DARS2: variants seen among roughly 807,000 people sequenced by gnomAD.
DARS2 encodes aspartate--tRNA ligase, mitochondrial.
Under a neutral mutation model 83.0 loss-of-function variants are expected in DARS2, and 63 were observed. The observed-to-expected ratio is 0.76, with a 90% CI of 0.62 to 0.94. The LOEUF is 0.94. Ranked by LOEUF, DARS2 falls within the 40% of genes least tolerant of loss-of-function variation. DARS2 has a pLI of 0.00. For synonymous variants in DARS2, 250 were observed against 269.3 expected (o/e 0.93, Z 0.70); for missense variants, 675 against 774.4 (o/e 0.87, Z 1.52).
intron 15 of DARS2, among the ~76,000 whole-genome samples, 197 bp downstream of exon 15, chr1:173,854,102 A>G (rs938897048): frequency 3.9e-5 from 6 of 152,098 alleles, no homozygotes; most frequent in Admixed American, 3.9e-4. Flanking sequence ...CAGCCTCCCA[A>G]GTAGCTGTGA....
intron 9 of DARS2, 55 bp from the exon 10 acceptor site, chr1:173,839,312 A>G (rs1234148087): frequency 2.6e-6 from 4 of 1,521,622 alleles, no homozygotes; most frequent in Admixed American, 3.4e-5. Flanking sequence ...AGAAAAATAT[A>G]TAAATGTGTA....
intron 13 of DARS2, 121 bp downstream of exon 13, chr1:173,850,600 T>A: frequency 1.2e-5 from 11 of 942,690 alleles, no homozygotes; most frequent in Non-Finnish European, 1.7e-5. Flanking sequence ...CTGCTCTGCA[T>A]AAATCTTTTT....
chr1:173,857,542 T>C lies in DARS2; in HGVS notation c.1775T>C (p.Val592Ala). The C allele has an allele frequency of 1.9e-6, 3 of 1,614,180 alleles. No individual in the cohort carries two copies. In the South Asian group the frequency reaches 3.3e-5, roughly 18 times the overall value. Residue 592 changes from valine to alanine, a missense_variant, in exon 17 of 17, where the codon GTC becomes GCC. Coordinates refer to ENST00000649689, the MANE Select transcript of DARS2 (RefSeq NM_018122.5). ...ALGLDRLICLVTGSPSIRDVI... is the reference protein window; with the variant it reads ...ALGLDRLICLATGSPSIRDVI... ...GGGTTAGACAGACTGATATGCCTTG[T>C]CACTGGATCTCCAAGCATCAGAGAT... is the stretch of plus-strand genomic sequence containing the variant.
Position 173,834,538 on chromosome 1 carries a change from T to A in DARS2, c.663+19T>A, listed in dbSNP as rs914211672. 6.3e-6 allele frequency: 10 copies of A among 1,576,828 alleles called. No homozygotes were observed. On this transcript the variant is annotated intron_variant, in intron 7 of 16. Coordinates refer to ENST00000649689, the MANE Select transcript of DARS2 (RefSeq NM_018122.5). The stretch of plus-strand genomic sequence containing the variant: ...CCCAGGGGTATGTATATTCCTTCAA[T>A]CAGTCTATTAATAATGTCCTATTAG...
At chr1:173,834,378 G>A (rs995400603) in intron 6 of DARS2, 95 bp from the exon 7 acceptor site, 2 of 947,788 alleles carry the variant, frequency 2.1e-6, no homozygotes, top group Non-Finnish European at 3.4e-6. Flanking sequence ...CTTAATTAAA[G>A]GGAAGCCTCA....
At chr1:173,856,434 CAT>C (rs1653862388) in intron 15 of DARS2, among the ~76,000 whole-genome samples, 1 of 152,198 alleles carries the variant, frequency 6.6e-6, no homozygotes, top group Admixed American at 6.5e-5. Flanking sequence ...GAACACCAGG[CAT>C]TTTTGTACAT....
intron 15 of DARS2, among the ~76,000 whole-genome samples, chr1:173,854,592 T>C (rs1485652185): frequency 6.6e-6 from 1 of 152,166 alleles, no homozygotes; most frequent in Non-Finnish European, 1.5e-5. Context: ...AGTACAAAAG[T>C]AAGCAGAGTC....
chr1:173,836,492 G>A (rs949871101), intron 7 of DARS2, among the ~76,000 whole-genome samples: 26 of 149,380 alleles, frequency 1.7e-4, no homozygotes, highest in Admixed American at 1.7e-3. Flanking sequence ...GCAGTGAGCC[G>A]AGATTGTGCC....
chr1:173,830,925 A>G (rs1048775358), intron 4 of DARS2, among the ~76,000 whole-genome samples, 164 bp downstream of exon 4: 2 of 152,150 alleles, frequency 1.3e-5, no homozygotes, highest in African/African-American at 4.8e-5. Context: ...AAACACATCT[A>G]TGTAAATATG....
chr1:173,828,695 T>C (rs757083629), intron 3 of DARS2, among the ~76,000 whole-genome samples: 5 of 152,214 alleles, frequency 3.3e-5, no homozygotes, highest in Non-Finnish European at 5.9e-5. Flanking sequence ...AAACTGCATG[T>C]AATTGTCATT....
intron 12 of DARS2, among the ~76,000 whole-genome samples, chr1:173,849,098 C>T (rs1199750586): frequency 1.4e-5 from 2 of 144,278 alleles, no homozygotes; most frequent in African/African-American, 5.1e-5. Context: ...TTCAAGTTCT[C>T]TTTTGGTCCA....
chr1:173,854,034 G>C, intron 15 of DARS2, 129 bp downstream of exon 15: 1 of 782,856 alleles, frequency 1.3e-6, no homozygotes, highest in Non-Finnish European at 2.1e-6. Flanking sequence ...GGTGTCTACT[G>C]GTGCATTCAT....
intron 12 of DARS2, among the ~76,000 whole-genome samples, chr1:173,849,563 C>G (rs1653567401): frequency 6.6e-6 from 1 of 150,622 alleles, no homozygotes; most frequent in African/African-American, 2.5e-5. Context: ...GTTGGAAGCT[C>G]AAGAGAGAGG....
At chr1:173,827,028 G>C in intron 2 of DARS2, among the ~76,000 whole-genome samples, 1 of 152,064 alleles carries the variant, frequency 6.6e-6, no homozygotes, top group Non-Finnish European at 1.5e-5. Context: ...TCTGTTGAAG[G>C]GTATAACAAC....
intron 11 of DARS2, among the ~76,000 whole-genome samples, chr1:173,844,669 CAAAAAAAAAAAAAAAAAAAAAAAAAAAA>C (rs549839808): frequency 3.3e-5 from 1 of 29,892 alleles, no homozygotes; most frequent in Non-Finnish European, 7.3e-5. Context: ...GACTCCATCG[CAAAAAAAAAAAAAAAAAAAAAAAAAAAA>C]AAAAAAAAAA....
chr1:173,844,036 T>TG (rs1385700929), intron 11 of DARS2, among the ~76,000 whole-genome samples: 1 of 152,196 alleles, frequency 6.6e-6, no homozygotes, highest in South Asian at 2.1e-4. Context: ...GTAACATTCC[T>TG]GGGGGGAAGA....
rs1415185483 is a variant in DARS2 at position 173,840,871 on chromosome 1, A to G, written c.1026A>G (p.Ile342Met). 1 of 1,577,784 alleles carries G rather than the reference A, an allele frequency of 6.3e-7. No individual in the cohort carries two copies. Among genetic ancestry groups the G allele is most frequent in the Non-Finnish European group, 8.7e-7 (1 of 1,146,988 alleles). The change falls in exon 11 of 17, where the codon ATA (isoleucine) becomes ATG (methionine). Residue 342 changes from isoleucine to methionine, a missense_variant. Coordinates refer to ENST00000649689, the MANE Select transcript of DARS2 (RefSeq NM_018122.5). ...TTTTGTTACCCATTTTCCAGATTAT[A>G]GATATCAGTGATGTGTTTAGAAACA... Reference protein sequence around the residue: ...KPDTRFGMKIIDISDVFRNTE... With the variant: ...KPDTRFGMKIMDISDVFRNTE...
In DARS2 at chr1:173,853,894, A is replaced by G. The variant is rs777646427; in HGVS notation, c.1663A>G (p.Thr555Ala). 2.5e-6 allele frequency: 4 copies of G among 1,613,612 alleles called. No homozygotes were observed. The highest frequency in any genetic ancestry group is 4.5e-5 in the East Asian group (2 of 44,868). ...NAELQRYILA[T>A]LLKEDVKMLS... Reference sequence around the variant, plus strand: ...AGAGCTGCAGCGTTATATCCTGGCAACCTTACTAAAGGTAACAAACATCAT... The same window carrying G: ...AGAGCTGCAGCGTTATATCCTGGCAGCCTTACTAAAGGTAACAAACATCAT... The change falls in exon 15 of 17, where the codon ACC (threonine) becomes GCC (alanine). Residue 555 changes from threonine (T) to alanine (A), a missense_variant. Physicochemically the swap from Thr to Ala is moderately conservative, Grantham distance 58. Transcript: ENST00000649689.
At chr1:173,854,267 G>A (rs1189323371) in intron 15 of DARS2, among the ~76,000 whole-genome samples, 1 of 152,058 alleles carries the variant, frequency 6.6e-6, no homozygotes, top group Non-Finnish European at 1.5e-5. Flanking sequence ...ATGAACCACT[G>A]CATCTGACTT....
Sources: gnomAD v4.1 joint callset for allele counts (sites outside exome capture counted in the v4.1 genomes callset) on GRCh38, gnomAD v4.1.1 for gene constraint, MANE v1.5 for transcripts, NCBI Gene and HGNC (gene_info 2026-07-23, HGNC 2026-07-21) for gene names.